ENPEP: variants seen among roughly 807,000 people sequenced by gnomAD.
ENPEP encodes AP-A.
Under a neutral mutation model 114.5 loss-of-function variants are expected in ENPEP, and 103 were observed. That is an observed-to-expected ratio of 0.90 (90% CI 0.77 to 1.06). The LOEUF (loss-of-function observed/expected upper bound fraction) is 1.06. Ranked by LOEUF, ENPEP falls within the 50% of genes least tolerant of loss-of-function variation. The pLI is 0.00. For missense variants in ENPEP, 1,196 were observed against 1,161.3 expected, an observed-to-expected ratio of 1.03 and a Z score of -0.43; for synonymous variants, 420 against 422.0, an observed-to-expected ratio of 1.00 and a Z score of 0.06.
intron 17 of ENPEP, among the ~76,000 whole-genome samples, chr4:110,552,817 G>T (rs1727339718): frequency 2.6e-5 from 4 of 151,926 alleles, no homozygotes; most frequent in Admixed American, 2.6e-4. Context: ...TAACCATATA[G>T]GTTACATTAT....
At chr4:110,558,082 A>T (rs889551512) in intron 18 of ENPEP, among the ~76,000 whole-genome samples, 8 of 127,354 alleles carry the variant, frequency 6.3e-5, no homozygotes, top group Non-Finnish European at 6.2e-5. Flanking sequence ...ACTAGCCTTG[A>T]ACTCCTGGGC....
chr4:110,526,334 A>C (rs892875945), intron 10 of ENPEP, among the ~76,000 whole-genome samples: 10 of 152,166 alleles, frequency 6.6e-5, no homozygotes, highest in African/African-American at 2.2e-4. Flanking sequence ...ATGAAAGCCC[A>C]AAGTCTTATA....
chr4:110,496,801 A>G (rs1206787157), intron 3 of ENPEP, among the ~76,000 whole-genome samples: 1 of 152,104 alleles, frequency 6.6e-6, no homozygotes, highest in Non-Finnish European at 1.5e-5. Context: ...TTTTCATCAC[A>G]TCCTATCAGG....
intron 2 of ENPEP, among the ~76,000 whole-genome samples, chr4:110,489,521 A>G (rs1476675978): frequency 6.6e-6 from 1 of 152,190 alleles, no homozygotes; most frequent in East Asian, 1.9e-4. Context: ...ACAAACCTGC[A>G]CATTCTGCAC....
intron 11 of ENPEP, among the ~76,000 whole-genome samples, chr4:110,540,879 G>A (rs912867318): frequency 2.0e-5 from 3 of 152,128 alleles, no homozygotes; most frequent in African/African-American, 7.2e-5. Context: ...CCCTGTGAGG[G>A]ATTTTTGTCC....
At chr4:110,498,530 C>T (rs1725031323) in intron 3 of ENPEP, among the ~76,000 whole-genome samples, 1 of 152,122 alleles carries the variant, frequency 6.6e-6, no homozygotes, top group South Asian at 2.1e-4. Context: ...AACAGGTAAG[C>T]AACAGATTTA....
At chr4:110,494,932 T>G (rs1325773389) in intron 3 of ENPEP, among the ~76,000 whole-genome samples, 1 of 152,176 alleles carries the variant, frequency 6.6e-6, no homozygotes, top group East Asian at 1.9e-4. Flanking sequence ...TTAAAGTAAA[T>G]GAAATCACTG....
intron 10 of ENPEP, among the ~76,000 whole-genome samples, chr4:110,520,869 C>G (rs1381754844): frequency 6.6e-6 from 1 of 152,098 alleles, no homozygotes. Flanking sequence ...CTGGACCCAC[C>G]CCTCACCCCT....
Position 110,531,271 on chromosome 4 carries a change from A to G in ENPEP, c.1801A>G (p.Lys601Glu). 6 of 1,426,380 alleles carry G rather than the reference A, an allele frequency of 4.2e-6. 1 individual carries two copies. In the South Asian group the frequency reaches 4.5e-5, roughly 11 times the overall value. The allele number at this position is 1,426,380 out of a possible 1,614,324, so 88.4% of individuals were successfully genotyped here. ...TSSVLFNRSEKEGITLNSSNP... is the reference protein window; with the variant it reads ...TSSVLFNRSEEEGITLNSSNP... ...CAGTGTGTTATTTAATAGGTCAGAAAAAGAAGGTAAATATTATTAATTGAT... is the reference window on the plus strand; with the variant it reads ...CAGTGTGTTATTTAATAGGTCAGAAGAAGAAGGTAAATATTATTAATTGAT... The change falls in exon 11 of 20, where the codon AAA becomes GAA. Residue 601 changes from lysine to glutamate, a missense_variant. Coordinates refer to ENST00000265162, the MANE Select transcript of ENPEP (RefSeq NM_001977.4).
At chr4:110,536,145 G>A (rs780803835) in intron 11 of ENPEP, among the ~76,000 whole-genome samples, 6 of 148,260 alleles carry the variant, frequency 4.0e-5, no homozygotes, top group Non-Finnish European at 7.4e-5. Flanking sequence ...AATTAAGGAA[G>A]AGTTAAGGTA....
chr4:110,534,116 A>C (rs1489294141), intron 11 of ENPEP, among the ~76,000 whole-genome samples: 4 of 152,136 alleles, frequency 2.6e-5, no homozygotes, highest in Non-Finnish European at 4.4e-5. Context: ...ACATGTCCTG[A>C]GTGTACTAAA....
chr4:110,553,600 T>TTA, intron 18 of ENPEP, 145 bp downstream of exon 18: 1 of 750,328 alleles, frequency 1.3e-6, no homozygotes, highest in Non-Finnish European at 1.9e-6. Context: ...GTATTATCCT[T>TTA]CCAGGGAAGC....
intron 10 of ENPEP, among the ~76,000 whole-genome samples, chr4:110,529,167 C>T (rs639194): frequency 0.65 from 98,377 of 151,960 alleles, 32,558 homozygotes; most frequent in East Asian, 0.89. Context: ...AAATAGGAAA[C>T]CTTAACTGTG....
At chr4:110,525,596 A>G (rs984752086) in intron 10 of ENPEP, among the ~76,000 whole-genome samples, 1 of 152,214 alleles carries the variant, frequency 6.6e-6, no homozygotes, top group Non-Finnish European at 1.5e-5. Flanking sequence ...TCACATATAT[A>G]AATTATTGTA....
chr4:110,548,727 A>G (rs781634391), intron 14 of ENPEP, among the ~76,000 whole-genome samples: 3 of 152,034 alleles, frequency 2.0e-5, no homozygotes, highest in Non-Finnish European at 4.4e-5. Context: ...GTATTTCCAC[A>G]TTGAGATTTT....
At position 110,476,898 on chromosome 4, in the gene ENPEP, G is replaced by A. The variant is rs768970352; in HGVS notation, c.484G>A (p.Glu162Lys). 5 of 1,614,002 alleles carry A rather than the reference G, an allele frequency of 3.1e-6. No individual in the cohort carries two copies. Among genetic ancestry groups the A allele is most frequent in the Middle Eastern group, 1.6e-4 (1 of 6,084 alleles). The part of the protein sequence containing the change: ...GDQVQVRRCF[E>K]YKKQEYVVVE... ...CCAGGTGCAAGTCCGGAGGTGTTTC[G>A]AGTACAAAAAGCAGGAGTACGTGGT... The change falls in exon 1 of 20, where the codon GAG (glutamate) becomes AAG (lysine). Residue 162 changes from glutamate to lysine, a missense_variant. Transcript: ENST00000265162.
chr4:110,539,130 C>T (rs944175839), intron 11 of ENPEP, among the ~76,000 whole-genome samples: 1 of 152,170 alleles, frequency 6.6e-6, no homozygotes, highest in East Asian at 1.9e-4. Flanking sequence ...GAAGTGAGCA[C>T]ATGTTGTTCG....
At chr4:110,527,624 T>C (rs1726246379) in intron 10 of ENPEP, among the ~76,000 whole-genome samples, 1 of 152,226 alleles carries the variant, frequency 6.6e-6, no homozygotes, top group South Asian at 2.1e-4. Flanking sequence ...ACGAAAATCA[T>C]AGAATAATCT....
intron 1 of ENPEP, among the ~76,000 whole-genome samples, chr4:110,478,116 A>C (rs1724182183): frequency 6.6e-6 from 1 of 152,148 alleles, no homozygotes; most frequent in South Asian, 2.1e-4. Context: ...TCCACCCACA[A>C]ATATCCCTTT....
Sources: gnomAD v4.1 joint callset for allele counts (sites outside exome capture counted in the v4.1 genomes callset) on GRCh38, gnomAD v4.1.1 for gene constraint, MANE v1.5 for transcripts, NCBI Gene and HGNC (gene_info 2026-07-23, HGNC 2026-07-21) for gene names.